The following GOLGA4 variants were observed in gnomAD, a reference collection of about 807,000 sequenced individuals.
GOLGA4 encodes golgin A4.
Under a neutral mutation model 265.9 loss-of-function variants are expected in GOLGA4, and 169 were observed. That is an observed-to-expected ratio of 0.64 (90% confidence interval 0.56 to 0.72). The LOEUF is 0.72. GOLGA4 is among the 30% of genes least tolerant of loss of function. The pLI is 0.00. For synonymous variants in GOLGA4, 923 were observed against 855.8 expected (o/e 1.08, Z -1.37); for missense variants, 2,482 against 2,483.4 (o/e 1.00, Z 0.01).
Position 37,329,073 on chromosome 3 carries a change from A to G in GOLGA4, c.6172A>G (p.Arg2058Gly). 1 of 1,607,392 alleles carries G rather than the reference A, an allele frequency of 6.2e-7. No homozygotes were observed. The highest frequency in any genetic ancestry group is 8.5e-7 in the Non-Finnish European group (1 of 1,177,444). The change falls in exon 16 of 24, where the codon AGA becomes GGA. Residue 2058 changes from arginine (R) to glycine (G), a missense_variant. This residue lies in a region of GOLGA4 where 942 missense variants were observed against 983.1 expected (regional missense o/e 0.96). Coordinates refer to ENST00000361924, the MANE Select transcript of GOLGA4 (RefSeq NM_002078.5). The part of the protein sequence containing the change: ...KDDDLKRTAK[R>G]YEEILDAREE... ...TGATGATCTAAAACGAACAGCCAAAAGATATGAAGAAATCCTTGATGTTTG... is the reference window on the plus strand; with the variant it reads ...TGATGATCTAAAACGAACAGCCAAAGGATATGAAGAAATCCTTGATGTTTG...
chr3:37,340,622 C>G (rs561231632), intron 20 of GOLGA4, among the ~76,000 whole-genome samples: 57 of 152,294 alleles, frequency 3.7e-4, no homozygotes, highest in Middle Eastern at 3.4e-3. Context: ...TCCCACCCCC[C>G]ACAGTCCCTT....
intron 1 of GOLGA4, among the ~76,000 whole-genome samples, chr3:37,245,943 T>C (rs577035244): frequency 2.6e-5 from 4 of 152,320 alleles, no homozygotes; most frequent in Admixed American, 6.5e-5. Context: ...TTGTGAATTG[T>C]TGTGATCTTA....
intron 16 of GOLGA4, among the ~76,000 whole-genome samples, chr3:37,329,711 AATAAG>A (rs2096983896): frequency 6.6e-6 from 1 of 152,224 alleles, no homozygotes; most frequent in African/African-American, 2.4e-5. Context: ...CCATTAGCAA[AATAAG>A]ATAAGCCATG....
intron 3 of GOLGA4, 60 bp downstream of exon 3, chr3:37,282,332 T>C: frequency 3.3e-6 from 4 of 1,206,940 alleles, no homozygotes; most frequent in Non-Finnish European, 4.8e-6. Flanking sequence ...CTCATTCATA[T>C]TACTGTATTG....
intron 1 of GOLGA4, chr3:37,244,031 G>T (rs6773419): frequency 0.79 from 135,901 of 172,116 alleles, 54,618 homozygotes; most frequent in African/African-American, 0.93. Context: ...CTGCTCGAGG[G>T]GTCCCCCTCT....
intron 12 of GOLGA4, among the ~76,000 whole-genome samples, chr3:37,320,563 T>G (rs1276883606): frequency 6.6e-6 from 1 of 152,232 alleles, no homozygotes. Flanking sequence ...TATGGGCACA[T>G]ATTTGTTTTC....
chr3:37,324,411 T>C lies in GOLGA4; in HGVS notation c.2525T>C (p.Val842Ala). 6.2e-7 allele frequency: 1 copy of C among 1,614,108 alleles called. No homozygotes were observed. The highest frequency in any genetic ancestry group is 8.5e-7 in the Non-Finnish European group (1 of 1,180,002). The change falls in exon 14 of 24, where the codon GTT becomes GCT. Residue 842 changes from valine (V) to alanine (A), a missense_variant. By Grantham distance (64) the Val-to-Ala change is moderately conservative. Around this residue, in one of 3 missense-constraint regions of GOLGA4, gnomAD observed 1,536 missense variants for 1,483.7 expected, o/e 1.04. Coordinates refer to ENST00000361924, the MANE Select transcript of GOLGA4 (RefSeq NM_002078.5). ...ETERILLTKQ[V>A]AEVEAQKKDV... ...GAAAGAATTCTTCTTACCAAACAGG[T>C]TGCTGAAGTTGAAGCACAAAAGAAA...
chr3:37,350,019 T>C (rs2097068896), intron 21 of GOLGA4, among the ~76,000 whole-genome samples: 1 of 152,186 alleles, frequency 6.6e-6, no homozygotes, highest in Non-Finnish European at 1.5e-5. Context: ...ATGCTGAACC[T>C]GAAATTCAGC....
intron 23 of GOLGA4, among the ~76,000 whole-genome samples, chr3:37,361,648 G>T (rs574900375): frequency 6.6e-6 from 1 of 152,280 alleles, no homozygotes; most frequent in East Asian, 1.9e-4. Flanking sequence ...TTGAAATTAT[G>T]ATTGTGAGAG....
At chr3:37,244,457 C>T (rs1056358869) in intron 1 of GOLGA4, among the ~76,000 whole-genome samples, 1 of 152,158 alleles carries the variant, frequency 6.6e-6, no homozygotes. Context: ...ATTTCCTAAG[C>T]GTTCACTGGA....
chr3:37,316,120 CA>C (rs1363582855), intron 11 of GOLGA4, among the ~76,000 whole-genome samples: 1 of 151,516 alleles, frequency 6.6e-6, no homozygotes, highest in Non-Finnish European at 1.5e-5. Context: ...CATAGATTTT[CA>C]ATTTTTCAGA....
chr3:37,285,322 A>G (rs1298098548), intron 3 of GOLGA4, among the ~76,000 whole-genome samples: 1 of 152,140 alleles, frequency 6.6e-6, no homozygotes, highest in African/African-American at 2.4e-5. Flanking sequence ...ATGTTATGTA[A>G]CTTCCAGGCT....
intron 2 of GOLGA4, among the ~76,000 whole-genome samples, chr3:37,261,166 A>G (rs1307648962): frequency 6.6e-6 from 1 of 151,942 alleles, no homozygotes; most frequent in African/African-American, 2.4e-5. Flanking sequence ...GCAAGACCCT[A>G]TCTCAAAAAA....
chr3:37,340,616 A>AC (rs1167399110), intron 20 of GOLGA4, among the ~76,000 whole-genome samples: 1 of 151,734 alleles, frequency 6.6e-6, no homozygotes, highest in Non-Finnish European at 1.5e-5. Flanking sequence ...AGCATCTCCC[A>AC]CCCCCCACAG....
At chr3:37,282,973 G>T (rs1425422476) in intron 3 of GOLGA4, among the ~76,000 whole-genome samples, 1 of 152,120 alleles carries the variant, frequency 6.6e-6, no homozygotes, top group Non-Finnish European at 1.5e-5. Flanking sequence ...AGCTTTTTTG[G>T]AGTAAGTTGT....
intron 10 of GOLGA4, among the ~76,000 whole-genome samples, chr3:37,314,815 T>C (rs76426142): frequency 0.039 from 5,870 of 152,286 alleles, 142 homozygotes; most frequent in African/African-American, 0.056. Context: ...GATTTCTTTC[T>C]GGTCACCTGG....
chr3:37,363,267 G>T (rs2151097076), intron 23 of GOLGA4, among the ~76,000 whole-genome samples: 1 of 152,278 alleles, frequency 6.6e-6, no homozygotes, highest in Non-Finnish European at 1.5e-5. Flanking sequence ...TGTGAACATT[G>T]AAAAACTGTA....
At chr3:37,315,273 C>A in intron 10 of GOLGA4, 147 bp from the exon 11 acceptor site, 1 of 676,790 alleles carries the variant, frequency 1.5e-6, no homozygotes, top group Non-Finnish European at 2.5e-6. Flanking sequence ...TGTTCAACAA[C>A]TCCAGTATCT....
At chr3:37,334,655 A>G (rs2097003457) in intron 16 of GOLGA4, among the ~76,000 whole-genome samples, 1 of 152,254 alleles carries the variant, frequency 6.6e-6, no homozygotes, top group Non-Finnish European at 1.5e-5. Context: ...CTGAAGTCTT[A>G]AAACACAGGA....
Sources: allele counts gnomAD v4.1 joint callset (sites outside exome capture counted in the v4.1 genomes callset), GRCh38; gene constraint gnomAD v4.1.1; regional missense constraint gnomAD v4.1.1; transcripts MANE v1.5; gene names NCBI Gene and HGNC (gene_info 2026-07-23, HGNC 2026-07-21).